DSCAM: variants seen among roughly 807,000 people sequenced by gnomAD.
The protein encoded by DSCAM is cell adhesion molecule DSCAM.
DSCAM carries 47 observed loss-of-function variants against 217.7 expected under a neutral mutation model. The ratio of observed to expected loss-of-function variants is 0.22; its 90% CI spans 0.17 to 0.28. The LOEUF (loss-of-function observed/expected upper bound fraction) is 0.28, where lower values mean the gene tolerates loss of function less well. Ranked by LOEUF, DSCAM falls within the 10% of genes least tolerant of loss-of-function variation. The pLI is 1.00. For synonymous variants in DSCAM, 1,056 were observed against 1,015.3 expected, an observed-to-expected ratio of 1.04 and a Z score of -0.76; for missense variants, 2,080 against 2,618.3, an observed-to-expected ratio of 0.79 and a Z score of 4.49.
intron 1 of DSCAM, among the ~76,000 whole-genome samples, chr21:40,739,482 C>T (rs536099233): frequency 6.6e-6 from 1 of 152,340 alleles, no homozygotes; most frequent in African/African-American, 2.4e-5. Flanking sequence ...GCAGGATTGG[C>T]TCTTCCTGGG....
intron 3 of DSCAM, among the ~76,000 whole-genome samples, chr21:40,519,859 T>G (rs1237265432): frequency 6.9e-6 from 1 of 144,948 alleles, no homozygotes; most frequent in Non-Finnish European, 1.5e-5. Flanking sequence ...TCTGTGTGTG[T>G]GTATGCGTGT....
intron 11 of DSCAM, among the ~76,000 whole-genome samples, chr21:40,213,467 A>C (rs2091206329): frequency 6.6e-6 from 1 of 152,240 alleles, no homozygotes; most frequent in African/African-American, 2.4e-5. Flanking sequence ...CCTGTTAGGA[A>C]GTCTTGTTTC....
intron 27 of DSCAM, among the ~76,000 whole-genome samples, chr21:40,069,563 T>C (rs1370695001): frequency 6.6e-6 from 1 of 152,240 alleles, no homozygotes; most frequent in Non-Finnish European, 1.5e-5. Flanking sequence ...ATGGCTACAT[T>C]TTCATATCTG....
chr21:40,465,921 C>T (rs184071661), intron 3 of DSCAM, among the ~76,000 whole-genome samples: 2 of 151,980 alleles, frequency 1.3e-5, no homozygotes, highest in African/African-American at 2.4e-5. Context: ...GTCAAATCTG[C>T]AGATCTGTTT....
chr21:40,686,196 T>C (rs923719452), intron 3 of DSCAM, among the ~76,000 whole-genome samples: 3 of 73,294 alleles, frequency 4.1e-5, no homozygotes, highest in Non-Finnish European at 9.4e-5. Flanking sequence ...ACACACCACA[T>C]AGCACGTACT....
chr21:40,465,114 C>T (rs983680566), intron 3 of DSCAM, among the ~76,000 whole-genome samples: 4 of 152,214 alleles, frequency 2.6e-5, no homozygotes, highest in African/African-American at 9.6e-5. Context: ...CGTCTTTGCA[C>T]TAAAATAAGA....
intron 3 of DSCAM, among the ~76,000 whole-genome samples, chr21:40,627,923 C>G (rs2089624716): frequency 6.6e-6 from 1 of 152,158 alleles, no homozygotes; most frequent in African/African-American, 2.4e-5. Context: ...TTTGTCTTCT[C>G]TTCTACCCTG....
chr21:40,612,101 C>T (rs1469137683), intron 3 of DSCAM, among the ~76,000 whole-genome samples: 1 of 152,186 alleles, frequency 6.6e-6, no homozygotes, highest in Non-Finnish European at 1.5e-5. Flanking sequence ...TGGATTCTAT[C>T]TGAAAAGCAA....
intron 2 of DSCAM, among the ~76,000 whole-genome samples, chr21:40,701,821 T>G (rs2090659680): frequency 6.6e-6 from 1 of 152,178 alleles, no homozygotes; most frequent in Non-Finnish European, 1.5e-5. Flanking sequence ...AACAAATTTA[T>G]CTGAGATTTG....
intron 11 of DSCAM, among the ~76,000 whole-genome samples, chr21:40,199,130 G>A (rs1385266091): frequency 6.6e-6 from 1 of 152,168 alleles, no homozygotes; most frequent in Non-Finnish European, 1.5e-5. Context: ...TGAAGGCAAT[G>A]GGTACAGAGG....
At chr21:40,276,346 C>A (rs1052464745) in intron 10 of DSCAM, 76 bp from the exon 11 acceptor site, 1 of 1,387,678 alleles carries the variant, frequency 7.2e-7, no homozygotes, top group South Asian at 1.5e-5. Flanking sequence ...CAAGTACACA[C>A]AGACTCATAA....
intron 3 of DSCAM, among the ~76,000 whole-genome samples, chr21:40,533,763 A>ATCCATCCT (rs1225046749): frequency 7.6e-6 from 1 of 132,220 alleles, no homozygotes; most frequent in Non-Finnish European, 1.5e-5. Flanking sequence ...CCATCCATCC[A>ATCCATCCT]TCCATCCTTC....
At chr21:40,502,197 TAATA>T (rs1358814073) in intron 3 of DSCAM, among the ~76,000 whole-genome samples, 1 of 152,206 alleles carries the variant, frequency 6.6e-6, no homozygotes, top group African/African-American at 2.4e-5. Context: ...TAAAAATTAC[TAATA>T]TTTTCAAAAT....
chr21:40,690,016 C>T (rs13053077), intron 3 of DSCAM, among the ~76,000 whole-genome samples: 4,972 of 152,254 alleles, frequency 0.033, 113 homozygotes, highest in East Asian at 0.11. Context: ...GCCTCCACCC[C>T]GGCACAGCCT....
chr21:40,434,571 C>T (rs960115556), intron 3 of DSCAM, among the ~76,000 whole-genome samples: 1 of 152,092 alleles, frequency 6.6e-6, no homozygotes, highest in Non-Finnish European at 1.5e-5. Flanking sequence ...CATAATGGTG[C>T]ATTATGCTAG....
chr21:40,629,076 GGT>G (rs57351838), intron 3 of DSCAM, among the ~76,000 whole-genome samples: 4,383 of 144,236 alleles, frequency 0.03, 170 homozygotes, highest in East Asian at 0.18. Flanking sequence ...GTGTGTGTGT[GGT>G]GTGTGTGTGT....
intron 10 of DSCAM, among the ~76,000 whole-genome samples, chr21:40,280,531 T>C (rs2073746693): frequency 6.6e-6 from 1 of 152,158 alleles, no homozygotes; most frequent in Non-Finnish European, 1.5e-5. Flanking sequence ...ATAAGAGTGG[T>C]TGATTTTGAA....
At chr21:40,227,923 G>T (rs925564012) in intron 11 of DSCAM, among the ~76,000 whole-genome samples, 21 of 152,102 alleles carry the variant, frequency 1.4e-4, no homozygotes, top group Non-Finnish European at 2.6e-4. Flanking sequence ...TCCCATCCAG[G>T]ATCCCATTCT....
intron 9 of DSCAM, among the ~76,000 whole-genome samples, chr21:40,304,551 C>T (rs894709506): frequency 5.3e-5 from 8 of 152,228 alleles, no homozygotes; most frequent in Non-Finnish European, 7.3e-5. Context: ...GCCCAGCTTC[C>T]GGCCTCTCTT....
Sources: allele counts gnomAD v4.1 joint callset (sites outside exome capture counted in the v4.1 genomes callset), GRCh38; gene constraint gnomAD v4.1.1; transcripts MANE v1.5; gene names NCBI Gene and HGNC (gene_info 2026-07-23, HGNC 2026-07-21).